The following RPS16 variants were observed in gnomAD, a reference collection of about 807,000 sequenced individuals.
RPS16 encodes the protein small ribosomal subunit protein uS9.
In RPS16, 2 loss-of-function variants were observed where a neutral mutation model predicts 20.1. That is an observed-to-expected ratio of 0.10 (90% CI 0.04 to 0.31). The LOEUF (loss-of-function observed/expected upper bound fraction) is 0.31, where lower values mean the gene tolerates loss of function less well. RPS16 is among the 10% of genes least tolerant of loss of function. RPS16 has a pLI of 1.00. For synonymous variants in RPS16, 95 were observed against 76.1 expected, an observed-to-expected ratio of 1.25 and a Z score of -1.29; for missense variants, 129 against 198.6, an observed-to-expected ratio of 0.65 and a Z score of 2.11.
chr19:39,433,204 C>CA lies in RPS16; in HGVS notation c.*68dup, dbSNP rs1419391392. ...CAATACCAACACATAAGGCCACACA[C>CA]AGTTCTTGAAACTTTAAAATCCCTC... On this transcript the variant is annotated 3_prime_UTR_variant, in exon 5 of 5. Transcript: ENST00000251453. 3.3e-6 allele frequency: 5 copies of CA among 1,509,140 alleles called. No individual in the cohort carries two copies. In the African/African-American group the frequency reaches 6.9e-5, roughly 21 times the overall value. 93.5% of individuals were successfully genotyped at this position (1,509,140 alleles called of 1,614,324 possible). A position where few individuals can be genotyped will look rare whatever the true frequency, so the allele number is the denominator to read the frequency against.
At chr19:39,435,817 C>T in intron 1 of RPS16, 31 bp downstream of exon 1, 6 of 1,609,958 alleles carry the variant, frequency 3.7e-6, no homozygotes, top group Non-Finnish European at 5.1e-6. Context: ...CTTCTCCTTC[C>T]CCTCCCCTTC....
chr19:39,435,828 C>T lies in RPS16; in HGVS notation c.48+20G>A, dbSNP rs377151506. ...TGGCCTTCTCCTTCCCCTCCCCTTCCCATCCGGCGTCTGGCTCACCTTGCG... is the reference window on the plus strand; with the variant it reads ...TGGCCTTCTCCTTCCCCTCCCCTTCTCATCCGGCGTCTGGCTCACCTTGCG... On this transcript the variant is annotated intron_variant, in intron 1 of 4. Transcript: ENST00000251453. 47 of 1,611,070 alleles carry T rather than the reference C, an allele frequency of 2.9e-5. No individual in the cohort carries two copies. In the African/African-American group the frequency reaches 5.5e-4, roughly 19 times the overall value.
intron 1 of RPS16, 32 bp downstream of exon 1, chr19:39,435,816 C>T (rs778601970): frequency 6.2e-7 from 1 of 1,610,136 alleles, no homozygotes; most frequent in Non-Finnish European, 8.5e-7. Flanking sequence ...CCTTCTCCTT[C>T]CCCTCCCCTT....
rs200674725 is a variant in RPS16, at chr19:39,435,643, G to A, written c.114C>T (p.Pro38=). 5.3e-5 allele frequency: 85 copies of A among 1,613,960 alleles called. No individual in the cohort carries two copies. The East Asian group carries it at 1.4e-3, about 28-fold the overall frequency. ...GCGTGCGCGGCTCAATCATCTCCAG[G>A]GGCCGCCCGTTCACCTTGATGAGAC... The part of the protein sequence containing the change: ...GNGLIKVNGR[P]LEMIEPRTLQ... Residue 38 remains proline, a synonymous_variant, in exon 2 of 5, where the codon CCC becomes CCT. Coordinates refer to ENST00000251453, the MANE Select transcript of RPS16 (RefSeq NM_001020.6).
chr19:39,435,289 A>G, intron 2 of RPS16: 35 of 274,144 alleles, frequency 1.3e-4, no homozygotes, highest in East Asian at 3.6e-4. Context: ...ACACAGCGAG[A>G]CTCCCTCTCA....
At position 39,433,306 on chromosome 19, in the gene RPS16, A is replaced by G. The variant is rs1233615811; in HGVS notation, c.408T>C (p.Gly136=). 1.2e-6 allele frequency: 2 copies of G among 1,613,260 alleles called. No individual in the cohort carries two copies. The highest frequency in any genetic ancestry group is 1.7e-6 in the Non-Finnish European group (2 of 1,180,024). ...AGGATTTCTGGTAGCGAGCGCGGGC[A>G]CCAGGGCCTCCAAACTTTTTGGACT... The part of the protein sequence containing the change: ...RCESKKFGGP[G]ARARYQKSYR Residue 136 remains glycine, a synonymous_variant, in exon 5 of 5, where the codon GGT becomes GGC. Coordinates refer to ENST00000251453, the MANE Select transcript of RPS16 (RefSeq NM_001020.6).
Position 39,435,626 on chromosome 19 carries a change from G to A in RPS16, c.131C>T (p.Pro44Leu). ...CAGCACCTTGTACTGTAGCGTGCGC[G>A]GCTCAATCATCTCCAGGGGCCGCCC... ...VNGRPLEMIEPRTLQYKLLEP... is the reference protein window; with the variant it reads ...VNGRPLEMIELRTLQYKLLEP... Residue 44 changes from proline to leucine, a missense_variant, in exon 2 of 5, where the codon CCG becomes CTG. Physicochemically the swap from Pro to Leu is moderately conservative, Grantham distance 98. Around this residue, in one of 2 missense-constraint regions of RPS16, gnomAD observed 117 missense variants for 151.4 expected, o/e 0.77. Coordinates refer to ENST00000251453, the MANE Select transcript of RPS16 (RefSeq NM_001020.6). 6.2e-7 allele frequency: 1 copy of A among 1,613,794 alleles called. No individual in the cohort carries two copies. Among genetic ancestry groups the A allele is most frequent in the Non-Finnish European group, 8.5e-7 (1 of 1,180,014 alleles).
At chr19:39,433,783 A>C in intron 2 of RPS16, 22 bp from the exon 3 acceptor site, 1 of 1,611,658 alleles carries the variant, frequency 6.2e-7, no homozygotes, top group Non-Finnish European at 8.5e-7. Context: ...GGGAATGAAC[A>C]GGGATTTAAG....
chr19:39,433,833 G>A, intron 2 of RPS16, 72 bp from the exon 3 acceptor site: 4 of 1,459,296 alleles, frequency 2.7e-6, no homozygotes, highest in Non-Finnish European at 3.8e-6. Flanking sequence ...TGGGCTTCTT[G>A]TTTCTGTGGC....
intron 1 of RPS16, 21 bp downstream of exon 1, chr19:39,435,827 C>T (rs2078859725): frequency 1.2e-6 from 2 of 1,610,916 alleles, no homozygotes; most frequent in South Asian, 1.1e-5. Context: ...CCCTCCCCTT[C>T]CCATCCGGCG....
At chr19:39,435,309 A>C in intron 2 of RPS16, 1 of 371,350 alleles carries the variant, frequency 2.7e-6, no homozygotes, top group Non-Finnish European at 4.9e-6. Flanking sequence ...AAAACAAATA[A>C]ATAAAATAAA....
At chr19:39,434,500 G>A (rs914542564) in intron 2 of RPS16, 4 of 152,296 alleles carry the variant, frequency 2.6e-5, no homozygotes, top group Admixed American at 2.6e-4. Context: ...GCCAATAACA[G>A]TAACATTCAA....
chr19:39,433,147 G>C lies in RPS16; in HGVS notation c.*126C>G. On this transcript the variant is annotated 3_prime_UTR_variant, in exon 5 of 5. Transcript: ENST00000251453. ...AAATCCAGACTGGCAATAGGTCCAG[G>C]ATGTTTACTGATTTCTGTCTGGTTA... 4.7e-6 allele frequency: 5 copies of C among 1,074,974 alleles called. No homozygotes were observed. The highest frequency in any genetic ancestry group is 5.5e-6 in the Non-Finnish European group (4 of 727,912). The allele number at this position is 1,074,974 out of a possible 1,614,324, so 66.6% of individuals were successfully genotyped here. A position where few individuals can be genotyped will look rare whatever the true frequency, so the allele number is the denominator to read the frequency against.
chr19:39,435,356 G>A lies in RPS16; in HGVS notation c.150+251C>T, dbSNP rs1184205115. 20 of 474,168 alleles carry A rather than the reference G, an allele frequency of 4.2e-5. No homozygotes were observed. In the East Asian group the frequency reaches 5.9e-4, roughly 14 times the overall value. 29.4% of individuals were successfully genotyped at this position (474,168 alleles called of 1,614,324 possible). On this transcript the variant is annotated intron_variant, in intron 2 of 4. Coordinates refer to ENST00000251453, the MANE Select transcript of RPS16 (RefSeq NM_001020.6). Reference sequence around the variant, plus strand: ...GTCCCTTCACCCTTTGGGTCCCCCCGCCCCAGTGAGGTGAGCTTCCTAACA... The same window carrying A: ...GTCCCTTCACCCTTTGGGTCCCCCCACCCCAGTGAGGTGAGCTTCCTAACA...
In RPS16 at chr19:39,433,462, G is replaced by C. The variant is rs373628698; in HGVS notation, c.296-44C>G. On this transcript the variant is annotated intron_variant, in intron 4 of 4. Coordinates refer to ENST00000251453, the MANE Select transcript of RPS16 (RefSeq NM_001020.6). ...ACGAGGATTTAGATAATCACACAGA[G>C]TCCTTGACTTGATCCCCACACACCC... 12 of 1,612,140 alleles carry C rather than the reference G, an allele frequency of 7.4e-6. No individual in the cohort carries two copies. The African/African-American group carries it at 1.5e-4, about 20-fold the overall frequency.
rs370604912 is a variant in RPS16 at position 39,433,650 on chromosome 19, G to A, written c.247+15C>T. The A allele has an allele frequency of 3.1e-6, 5 of 1,614,112 alleles. No homozygotes were observed. In the African/African-American group the frequency reaches 5.3e-5, roughly 17 times the overall value. On this transcript the variant is annotated intron_variant, in intron 3 of 4. Coordinates refer to ENST00000251453, the MANE Select transcript of RPS16 (RefSeq NM_001020.6). ...CAGAGCCACCTCCTCCATGCGCCCA[G>A]TTCCTGGGACTCACCATAAATCTGG...
intron 4 of RPS16, 28 bp from the exon 5 acceptor site, chr19:39,433,446 T>C: frequency 6.2e-7 from 1 of 1,613,576 alleles, no homozygotes. Context: ...GACGAGGATT[T>C]AGATAATCAC....
Position 39,435,831 on chromosome 19 carries a change from T to A in RPS16, c.48+17A>T, listed in dbSNP as rs1268572800. Reference sequence around the variant, plus strand: ...CCTTCTCCTTCCCCTCCCCTTCCCATCCGGCGTCTGGCTCACCTTGCGTCC... The same window carrying A: ...CCTTCTCCTTCCCCTCCCCTTCCCAACCGGCGTCTGGCTCACCTTGCGTCC... On this transcript the variant is annotated intron_variant, in intron 1 of 4. Coordinates refer to ENST00000251453, the MANE Select transcript of RPS16 (RefSeq NM_001020.6). 6.2e-7 allele frequency: 1 copy of A among 1,610,918 alleles called. No homozygotes were observed. Among genetic ancestry groups the A allele is most frequent in the African/African-American group, 1.3e-5 (1 of 74,908 alleles).
intron 2 of RPS16, 89 bp from the exon 3 acceptor site, chr19:39,433,850 C>T: frequency 7.9e-7 from 1 of 1,260,914 alleles, no homozygotes; most frequent in Non-Finnish European, 1.1e-6. Flanking sequence ...TGGCTTCTGC[C>T]ACCACTGGCC....
Sources: gnomAD v4.1 joint callset for allele counts on GRCh38, gnomAD v4.1.1 for gene constraint, gnomAD v4.1.1 regional missense constraint, MANE v1.5 for transcripts, NCBI Gene and HGNC (gene_info 2026-07-23, HGNC 2026-07-21) for gene names.